BLTP3A: variants seen among roughly 807,000 people sequenced by gnomAD.
BLTP3A encodes the protein bridge-like lipid transfer protein family member 3A, also known as ICBP90 binding protein 1.
chr6:34,872,616 G>C, the BLTP3A span: 1 of 712,332 alleles, frequency 1.4e-6, no homozygotes, highest in Non-Finnish European at 2.1e-6. Flanking sequence ...TTGGACTGAG[G>C]ACAAGGGCAA....
At chr6:34,792,094 C>G in the BLTP3A span, 1 of 413,980 alleles carries the variant, frequency 2.4e-6, no homozygotes, top group Non-Finnish European at 3.7e-6. Flanking sequence ...TGGCGGAGCG[C>G]CAGGCGCCCA....
chr6:34,823,556 TC>T, the BLTP3A span, among the ~76,000 whole-genome samples: 307 of 150,298 alleles, frequency 2.0e-3, no homozygotes, highest in Admixed American at 3.6e-3. Context: ...TTTTTTTTTT[TC>T]CCTGGGATAG....
At chr6:34,792,386 C>A in the BLTP3A span, 1 of 1,290,648 alleles carries the variant, frequency 7.7e-7, no homozygotes, top group Non-Finnish European at 1.0e-6. Context: ...GCCCAGTCTG[C>A]CTCTCTCCAG....
the BLTP3A span, among the ~76,000 whole-genome samples, chr6:34,794,235 T>G: frequency 6.6e-6 from 1 of 151,996 alleles, no homozygotes; most frequent in Admixed American, 6.6e-5. Context: ...CTTGAGAGGA[T>G]GGATACTCCA....
the BLTP3A span, among the ~76,000 whole-genome samples, chr6:34,792,608 C>T: frequency 6.6e-6 from 1 of 152,188 alleles, no homozygotes; most frequent in Non-Finnish European, 1.5e-5. Context: ...CTGTCCCCAC[C>T]TCCCACACCT....
chr6:34,807,405 G>A, the BLTP3A span, among the ~76,000 whole-genome samples: 3 of 152,158 alleles, frequency 2.0e-5, no homozygotes, highest in East Asian at 5.8e-4. Flanking sequence ...GAGCCACTGC[G>A]CCTGGCCTGA....
the BLTP3A span, among the ~76,000 whole-genome samples, chr6:34,841,773 G>A: frequency 6.6e-6 from 1 of 152,122 alleles, no homozygotes; most frequent in African/African-American, 2.4e-5. Flanking sequence ...GGATGGCAAA[G>A]ATAGAAATAA....
chr6:34,833,105 C>A, the BLTP3A span, among the ~76,000 whole-genome samples: 6 of 152,234 alleles, frequency 3.9e-5, no homozygotes, highest in African/African-American at 1.4e-4. Flanking sequence ...CCTTGAATAG[C>A]ACAAGTTTGA....
chr6:34,792,405 C>G, the BLTP3A span: 1 of 1,138,776 alleles, frequency 8.8e-7, no homozygotes, highest in Non-Finnish European at 1.2e-6. Context: ...AGCCCGGAGC[C>G]CGGACTCCGT....
chr6:34,847,923 T>TTC, the BLTP3A span, among the ~76,000 whole-genome samples: 5 of 123,854 alleles, frequency 4.0e-5, 1 homozygote, highest in Admixed American at 1.6e-4. Flanking sequence ...TTTTTTTCCT[T>TTC]TTTTTTTTTT....
chr6:34,854,782 C>T, the BLTP3A span, among the ~76,000 whole-genome samples: 1 of 152,164 alleles, frequency 6.6e-6, no homozygotes, highest in Non-Finnish European at 1.5e-5. Flanking sequence ...TATTTCCCTT[C>T]ACTCATTTCT....
chr6:34,868,447 G>T, the BLTP3A span, among the ~76,000 whole-genome samples: 5 of 152,174 alleles, frequency 3.3e-5, no homozygotes, highest in South Asian at 1.0e-3. Context: ...TACAGGCTGG[G>T]TGTGGTGGCT....
chr6:34,856,903 C>A, the BLTP3A span: 39 of 1,613,834 alleles, frequency 2.4e-5, no homozygotes, highest in Non-Finnish European at 3.1e-5. Context: ...CATGGTGGTA[C>A]GGGTGGATGA....
At chr6:34,865,393 A>G in the BLTP3A span, among the ~76,000 whole-genome samples, 14 of 152,358 alleles carry the variant, frequency 9.2e-5, no homozygotes, top group African/African-American at 3.1e-4. Context: ...ATAAGGCTGA[A>G]TAGTATTCCA....
chr6:34,858,233 G>T, the BLTP3A span: 7 of 1,614,066 alleles, frequency 4.3e-6, no homozygotes, highest in Non-Finnish European at 5.9e-6. Flanking sequence ...GCTCCACATT[G>T]TAGTTGTTCA....
At chr6:34,842,937 G>A in the BLTP3A span, among the ~76,000 whole-genome samples, 1 of 151,934 alleles carries the variant, frequency 6.6e-6, no homozygotes, top group Non-Finnish European at 1.5e-5. Context: ...CAGTACTTTT[G>A]TGATTTGAAC....
chr6:34,824,768 T>G, the BLTP3A span, among the ~76,000 whole-genome samples: 1 of 151,932 alleles, frequency 6.6e-6, no homozygotes. Context: ...TCTCCTGGGT[T>G]CAAGTGATTC....
At chr6:34,850,238 A>G in the BLTP3A span, among the ~76,000 whole-genome samples, 1 of 152,052 alleles carries the variant, frequency 6.6e-6, no homozygotes, top group Admixed American at 6.6e-5. Flanking sequence ...GACATATTGA[A>G]GCTCCTTTGA....
At chr6:34,802,393 G>A in the BLTP3A span, among the ~76,000 whole-genome samples, 37 of 145,566 alleles carry the variant, frequency 2.5e-4, no homozygotes, top group Non-Finnish European at 4.5e-4. Context: ...TTTTTGAGAC[G>A]GAGTCTTGCC....
Sources: allele counts gnomAD v4.1 joint callset (sites outside exome capture counted in the v4.1 genomes callset), GRCh38; gene constraint gnomAD v4.1.1; transcripts MANE v1.5; gene names NCBI Gene and HGNC (gene_info 2026-07-23, HGNC 2026-07-21).